GPKOW: variants seen among roughly 807,000 people sequenced by gnomAD.
The protein encoded by GPKOW is G-patch domain and KOW motifs.
For missense variants in GPKOW, 359 were observed against 404.7 expected, an observed-to-expected ratio of 0.89 and a Z score of 0.97; for synonymous variants, 167 against 159.1, an observed-to-expected ratio of 1.05 and a Z score of -0.37.
chrX:49,116,899 T>C (rs782253640), intron 6 of GPKOW, 131 bp downstream of exon 6: 8 of 512,866 alleles, frequency 1.6e-5, no homozygotes, highest in Admixed American at 6.5e-5. Flanking sequence ...TGACCTCTGA[T>C]TGGAAGTCAT....
intron 1 of GPKOW, 124 bp downstream of exon 1, chrX:49,123,423 A>C: frequency 1.4e-6 from 1 of 739,550 alleles, no homozygotes. Flanking sequence ...GGCCTCCACG[A>C]ATTTACTCAG....
intron 1 of GPKOW, among the ~76,000 whole-genome samples, 180 bp downstream of exon 1, chrX:49,123,355 AATTCCCACAGCT>A (rs1383550434): frequency 9.0e-6 from 1 of 111,579 alleles, no homozygotes; most frequent in Non-Finnish European, 1.9e-5. Context: ...CTCTCTTCGC[AATTCCCACAGCT>A]ATCAGGCCCA....
chrX:49,122,980 G>A (rs184221728), intron 1 of GPKOW, among the ~76,000 whole-genome samples: 1 of 111,689 alleles, frequency 9.0e-6, no homozygotes, highest in Non-Finnish European at 1.9e-5. Context: ...AAATGTCAGT[G>A]CCTTCGAGAA....
intron 4 of GPKOW, among the ~76,000 whole-genome samples, chrX:49,119,472 T>C (rs782770579): frequency 3.5e-4 from 39 of 111,712 alleles, no homozygotes; most frequent in Non-Finnish European, 6.6e-4. Flanking sequence ...CCCCCATTTT[T>C]CAGATGAGGA....
At chrX:49,118,241 T>G (rs2065200961) in intron 4 of GPKOW, among the ~76,000 whole-genome samples, 1 of 111,260 alleles carries the variant, frequency 9.0e-6, no homozygotes, top group Non-Finnish European at 1.9e-5. Flanking sequence ...TTTTCAAGGT[T>G]GCCCTTTCTG....
chrX:49,117,178 G>A lies in GPKOW; in HGVS notation c.781-16C>T, dbSNP rs1557090388. 1.7e-6 allele frequency: 2 copies of A among 1,208,076 alleles called. No homozygotes were observed. Among genetic ancestry groups the A allele is most frequent in the Non-Finnish European group, 2.2e-6 (2 of 892,813 alleles). ...GGCCTTCCACCTAAAGTGTTGAGGG[G>A]AAGAAGTCAGGTAGGGGTTGTGGAC... On this transcript the variant is annotated splice_polypyrimidine_tract_variant and intron_variant, in intron 5 of 10. Transcript: ENST00000156109.
intron 3 of GPKOW, 99 bp from the exon 4 acceptor site, chrX:49,119,913 G>A (rs1177823176): frequency 1.8e-5 from 9 of 487,156 alleles, no homozygotes; most frequent in East Asian, 3.7e-5. Flanking sequence ...CCTGCTACGC[G>A]TCTTTTCCAA....
Position 49,117,606 on chromosome X carries a change from G to A in GPKOW, c.771C>T (p.Leu257=), listed in dbSNP as rs782490838. Residue 257 remains leucine, a synonymous_variant, in exon 5 of 11, where the codon CTC becomes CTT. Coordinates refer to ENST00000156109, the MANE Select transcript of GPKOW (RefSeq NM_015698.6). ...VVVLSGPHRG[L]YGKVEGLDPD... is the part of the protein sequence containing the mutation. ...TATCTTGGTTCCTTACCTTCCCATA[G>A]AGGCCTCGGTGAGGGCCAGAAAGAA... is the stretch of plus-strand genomic sequence containing the variant. 7 of 1,200,356 alleles carry A rather than the reference G, an allele frequency of 5.8e-6. No homozygotes were observed. In the South Asian group the frequency reaches 1.2e-4, roughly 21 times the overall value.
In GPKOW at chrX:49,113,844, G is replaced by C. The variant is rs1175898283; in HGVS notation, c.1296+9C>G. On this transcript the variant is annotated intron_variant, in intron 10 of 10. Transcript: ENST00000156109. The stretch of plus-strand genomic sequence containing the variant: ...CCCACAAACCTCTACTGCCAGGTCT[G>C]AGACTCACCCTTCCAGTCTGTGGGC... 2 of 1,202,793 alleles carry C rather than the reference G, an allele frequency of 1.7e-6. No individual in the cohort carries two copies. Among genetic ancestry groups the C allele is most frequent in the Non-Finnish European group, 1.1e-6 (1 of 888,814 alleles).
At position 49,122,424 on chromosome X, in the gene GPKOW, C is replaced by A. The variant is rs782232554; in HGVS notation, c.430G>T (p.Ala144Ser). 8.5e-7 allele frequency: 1 copy of A among 1,176,794 alleles called. No individual in the cohort carries two copies. The highest frequency in any genetic ancestry group is 1.1e-6 in the Non-Finnish European group (1 of 879,954). The change falls in exon 3 of 11, where the codon GCA (alanine) becomes TCA (serine). Residue 144 changes from alanine (A) to serine (S), a missense_variant. Transcript: ENST00000156109. ...GTCTCTGCCCGGGGTTCGCTGTCTG[C>A]CCCTTCCCCGCTGGGGGTGCATCCT... ...QKGCTPSGEG[A>S]DSEPRAETVP...
At chrX:49,116,930 C>T (rs1273547409) in intron 6 of GPKOW, 100 bp downstream of exon 6, 67 of 676,862 alleles carry the variant, frequency 9.9e-5, no homozygotes, top group Non-Finnish European at 1.4e-4. Flanking sequence ...CACACTGCTG[C>T]CCCTCCCTGC....
intron 4 of GPKOW, among the ~76,000 whole-genome samples, chrX:49,119,158 C>T (rs1016431763): frequency 1.1e-4 from 12 of 108,789 alleles, no homozygotes; most frequent in Non-Finnish European, 1.9e-4. Flanking sequence ...GGGCTTTCAC[C>T]GTGTTAGCCA....
chrX:49,114,722 C>T (rs1245755268), intron 9 of GPKOW, among the ~76,000 whole-genome samples: 1 of 104,253 alleles, frequency 9.6e-6, no homozygotes, highest in African/African-American at 3.5e-5. Flanking sequence ...GTAAGGGGTT[C>T]AAGACCAGCT....
At chrX:49,114,751 C>T (rs2147839080) in intron 9 of GPKOW, among the ~76,000 whole-genome samples, 1 of 104,914 alleles carries the variant, frequency 9.5e-6, no homozygotes, top group East Asian at 3.0e-4. Flanking sequence ...ATGGTGAAAA[C>T]CTGTCTCTAT....
In GPKOW at chrX:49,116,322, C is replaced by T; in HGVS notation, c.915G>A (p.Arg305=). 1.7e-6 allele frequency: 2 copies of T among 1,173,509 alleles called. No homozygotes were observed. The highest frequency in any genetic ancestry group is 1.8e-5 in the South Asian group (1 of 56,114). The change falls in exon 7 of 11, where the codon AGG becomes AGA. Residue 305 remains arginine, a splice_region_variant and synonymous_variant. Coordinates refer to ENST00000156109, the MANE Select transcript of GPKOW (RefSeq NM_015698.6). Reference sequence around the variant, plus strand: ...GTGATGAGGCAGTTCCGTTCTGTTGCCCTGGGGAAGGAAGTTTTGCTCATC... The same window carrying T: ...GTGATGAGGCAGTTCCGTTCTGTTGTCCTGGGGAAGGAAGTTTTGCTCATC... ...QEFDKNTLDL[R]QQNGTASSRK... is the part of the protein sequence containing the mutation.
chrX:49,115,764 G>A lies in GPKOW; in HGVS notation c.1172C>T (p.Thr391Ile), dbSNP rs201553766. The change falls in exon 9 of 11, where the codon ACC becomes ATC. Residue 391 changes from threonine (T) to isoleucine (I), a missense_variant. By Grantham distance (89) the Thr-to-Ile change is moderately conservative (BLOSUM62 -1). Coordinates refer to ENST00000156109, the MANE Select transcript of GPKOW (RefSeq NM_015698.6). ...GCCTTCATCTGTCCGACATACACAG[G>A]TATCTGGGCTTAGGACATCTTCAAT... ...MIIEDVLSPD[T>I]CVCRTDEGRV... is the part of the protein sequence containing the mutation. 1.8e-4 allele frequency: 223 copies of A among 1,206,202 alleles called. 1 individual carries two copies. The Middle Eastern group carries it at 0.011, about 61-fold the overall frequency.
intron 4 of GPKOW, among the ~76,000 whole-genome samples, chrX:49,119,298 G>A (rs2065205563): frequency 9.1e-6 from 1 of 110,015 alleles, no homozygotes; most frequent in Admixed American, 9.8e-5. Context: ...TTGTAGAGAT[G>A]GGGCCTCCCT....
rs782531820 is a variant in GPKOW, at chrX:49,116,281, T to C, written c.956A>G (p.Asn319Ser). ...GTASSRKTLWNQELYIQQDNS... is the reference protein window; with the variant it reads ...GTASSRKTLWSQELYIQQDNS... ...GTCCTGCTGGATGTAGAGTTCTTGA[T>C]TCCAGAGGGTCTTCCGTGATGAGGC... The change falls in exon 7 of 11, where the codon AAT (asparagine) becomes AGT (serine). Residue 319 changes from asparagine (N) to serine (S), a missense_variant. By Grantham distance (46) the Asn-to-Ser change is conservative. Transcript: ENST00000156109. 1.7e-6 allele frequency: 2 copies of C among 1,206,853 alleles called. No homozygotes were observed. The highest frequency in any genetic ancestry group is 2.2e-6 in the Non-Finnish European group (2 of 891,144).
rs929998386 is a variant in GPKOW, at chrX:49,122,513, T to G, written c.341A>C (p.Lys114Thr). ...CGCATTCTCTCTCTCTTCCAGAGAC[T>G]TCTTGGATTCTAAAGGAAGAATAGG... is the stretch of plus-strand genomic sequence containing the variant. ...AVKELIAESK[K>T]SLEERENAGV... is the part of the protein sequence containing the mutation. Residue 114 changes from lysine (K) to threonine (T), a missense_variant, in exon 3 of 11, where the codon AAG (lysine) becomes ACG (threonine). Physicochemically the swap from Lys to Thr is moderately conservative, Grantham distance 78 (BLOSUM62 -1). Coordinates refer to ENST00000156109, the MANE Select transcript of GPKOW (RefSeq NM_015698.6). 11 of 1,206,624 alleles carry G rather than the reference T, an allele frequency of 9.1e-6. No individual in the cohort carries two copies. In the Admixed American group the frequency reaches 2.4e-4, roughly 27 times the overall value.
Sources: allele counts gnomAD v4.1 joint callset (sites outside exome capture counted in the v4.1 genomes callset), GRCh38; gene constraint gnomAD v4.1.1; transcripts MANE v1.5; gene names NCBI Gene and HGNC (gene_info 2026-07-23, HGNC 2026-07-21).